The following KCNB2 variants were observed in gnomAD, a reference collection of about 807,000 sequenced individuals.
KCNB2 encodes delayed rectifier potassium channel protein.
A neutral mutation model predicts 61.5 loss-of-function variants in KCNB2; 15 were observed. That is an observed-to-expected ratio of 0.24 (90% CI 0.16 to 0.38). KCNB2 has a LOEUF of 0.38. Ranked by LOEUF, KCNB2 falls within the 10% of genes least tolerant of loss-of-function variation. The pLI, the probability that KCNB2 is intolerant of heterozygous loss-of-function variation, is 1.00. For synonymous variants in KCNB2, 457 were observed against 446.0 expected (o/e 1.02, Z -0.31); for missense variants, 828 against 1,125.2 (o/e 0.74, Z 3.78).
At chr8:72,929,325 A>T (rs746395507) in intron 2 of KCNB2, among the ~76,000 whole-genome samples, 1 of 152,096 alleles carries the variant, frequency 6.6e-6, no homozygotes, top group Non-Finnish European at 1.5e-5. Context: ...AATACAACCA[A>T]TGTTGGTCCC....
In KCNB2 at chr8:72,581,692, C is replaced by G. The variant is rs117791897; in HGVS notation, c.579+13379C>G. On this transcript the variant is annotated intron_variant, in intron 2 of 2. Coordinates refer to ENST00000523207, the MANE Select transcript of KCNB2 (RefSeq NM_004770.3). ...AATGGTTGTACGTTTTCGATATAGG[C>G]TGAGAACCACAGATGTGGGTTTTAC... 7.4e-4 allele frequency among the ~76,000 whole-genome samples: 113 copies of G among 152,308 alleles called. No homozygotes were observed. In the East Asian group the frequency reaches 0.018, roughly 24 times the overall value.
chr8:72,928,241 G>A (rs1806695913), intron 2 of KCNB2, among the ~76,000 whole-genome samples: 1 of 147,730 alleles, frequency 6.8e-6, no homozygotes, highest in African/African-American at 2.5e-5. Flanking sequence ...CACCCAGGCT[G>A]GAGTATGGTG....
intron 1 of KCNB2, among the ~76,000 whole-genome samples, chr8:72,552,241 A>G (rs1281719772): frequency 6.6e-6 from 1 of 152,214 alleles, no homozygotes; most frequent in East Asian, 1.9e-4. Flanking sequence ...TGCCATTCTT[A>G]TTAAGAACAG....
At chr8:72,834,011 C>T (rs1475736156) in intron 2 of KCNB2, among the ~76,000 whole-genome samples, 1 of 152,132 alleles carries the variant, frequency 6.6e-6, no homozygotes, top group African/African-American at 2.4e-5. Context: ...ACTGTTTTCT[C>T]CACAAAAGCA....
chr8:72,754,320 C>T (rs1171610440), intron 2 of KCNB2, among the ~76,000 whole-genome samples: 1 of 152,090 alleles, frequency 6.6e-6, no homozygotes, highest in Non-Finnish European at 1.5e-5. Flanking sequence ...CAGGAGAAGC[C>T]CCCTAGGTCT....
chr8:72,670,235 G>C (rs1806541067), intron 2 of KCNB2, among the ~76,000 whole-genome samples: 1 of 152,210 alleles, frequency 6.6e-6, no homozygotes, highest in Admixed American at 6.5e-5. Context: ...CCAGCAAGTT[G>C]CTTCTAATGA....
chr8:72,729,373 A>C (rs1180345480), intron 2 of KCNB2, among the ~76,000 whole-genome samples: 3 of 152,198 alleles, frequency 2.0e-5, no homozygotes, highest in Non-Finnish European at 4.4e-5. Flanking sequence ...AAGGTTAAAA[A>C]CTGACTCTTA....
intron 2 of KCNB2, among the ~76,000 whole-genome samples, chr8:72,730,642 A>G (rs558150264): frequency 6.6e-6 from 1 of 152,298 alleles, no homozygotes; most frequent in Non-Finnish European, 1.5e-5. Context: ...TCTTTCTTAG[A>G]TACTTTTACT....
At chr8:72,840,332 C>T (rs533787967) in intron 2 of KCNB2, among the ~76,000 whole-genome samples, 5 of 152,122 alleles carry the variant, frequency 3.3e-5, no homozygotes, top group Admixed American at 6.5e-5. Flanking sequence ...TGGATTGGTT[C>T]CAAGTCTTTG....
intron 1 of KCNB2, among the ~76,000 whole-genome samples, chr8:72,554,270 T>C (rs1806387669): frequency 6.6e-6 from 1 of 152,106 alleles, no homozygotes; most frequent in Non-Finnish European, 1.5e-5. Flanking sequence ...CGATATATAG[T>C]GACAGTCAAG....
intron 2 of KCNB2, among the ~76,000 whole-genome samples, chr8:72,912,984 TAAAGCTTAGCAAC>T (rs1323707476): frequency 6.6e-6 from 1 of 152,184 alleles, no homozygotes; most frequent in Non-Finnish European, 1.5e-5. Context: ...CTGTGTGAGA[TAAAGCTTAGCAAC>T]AAAGCTAATT....
chr8:72,686,613 G>C (rs183522754), intron 2 of KCNB2, among the ~76,000 whole-genome samples: 110 of 152,312 alleles, frequency 7.2e-4, no homozygotes, highest in Non-Finnish European at 1.5e-5. Flanking sequence ...CATCTTGCCA[G>C]CATAGTAAGC....
chr8:72,543,874 C>T (rs1806224078), intron 1 of KCNB2, among the ~76,000 whole-genome samples: 1 of 152,126 alleles, frequency 6.6e-6, no homozygotes, highest in African/African-American at 2.4e-5. Context: ...AAAGCCAATC[C>T]AATTCTACTG....
chr8:72,709,170 A>G (rs1807283045), intron 2 of KCNB2, among the ~76,000 whole-genome samples: 1 of 152,216 alleles, frequency 6.6e-6, no homozygotes, highest in Admixed American at 6.5e-5. Context: ...AAATGTATCT[A>G]GAAGAACAGA....
At chr8:72,608,782 T>A (rs1293315415) in intron 2 of KCNB2, among the ~76,000 whole-genome samples, 3 of 152,150 alleles carry the variant, frequency 2.0e-5, no homozygotes, top group Non-Finnish European at 4.4e-5. Flanking sequence ...AGGCCACCAC[T>A]GGGCACATGA....
chr8:72,750,667 A>G (rs1292183588), intron 2 of KCNB2: 1 of 152,074 alleles, frequency 6.6e-6, no homozygotes, highest in Admixed American at 6.6e-5. Context: ...GTTTTACTTT[A>G]GTTTGCTCAC....
intron 2 of KCNB2, among the ~76,000 whole-genome samples, chr8:72,722,128 C>A (rs971261695): frequency 6.6e-6 from 1 of 152,166 alleles, no homozygotes; most frequent in African/African-American, 2.4e-5. Context: ...CATATCTTCT[C>A]AAATCTGACC....
At chr8:72,538,526 G>A (rs1441004294) in intron 1 of KCNB2, among the ~76,000 whole-genome samples, 4 of 152,106 alleles carry the variant, frequency 2.6e-5, no homozygotes, top group Admixed American at 2.0e-4. Context: ...GAGCATTTAT[G>A]CGTATTCATT....
intron 2 of KCNB2, among the ~76,000 whole-genome samples, chr8:72,746,853 T>C (rs1386623984): frequency 6.6e-6 from 1 of 152,106 alleles, no homozygotes; most frequent in Non-Finnish European, 1.5e-5. Context: ...TCCAGAAAAC[T>C]AGATTTTCTT....
Sources: gnomAD v4.1 joint callset for allele counts (sites outside exome capture counted in the v4.1 genomes callset) on GRCh38, gnomAD v4.1.1 for gene constraint, MANE v1.5 for transcripts, NCBI Gene and HGNC (gene_info 2026-07-23, HGNC 2026-07-21) for gene names.